The following COL19A1 variants were observed in gnomAD, a reference collection of about 807,000 sequenced individuals.
The protein encoded by COL19A1 is collagen type XIX alpha 1 chain.
COL19A1 carries 159 observed loss-of-function variants against 190.2 expected under a neutral mutation model. The ratio of observed to expected loss-of-function variants is 0.84; its 90% CI spans 0.73 to 0.95. The LOEUF (loss-of-function observed/expected upper bound fraction) is 0.95, where lower values mean the gene tolerates loss of function less well. COL19A1 is among the 40% of genes least tolerant of loss of function. The probability of loss-of-function intolerance (pLI) is 0.00; values close to 1 mark genes in which losing one functional copy is unlikely to be tolerated. For synonymous variants in COL19A1, 509 were observed against 458.9 expected, an observed-to-expected ratio of 1.11 and a Z score of -1.39; for missense variants, 1,418 against 1,431.9, an observed-to-expected ratio of 0.99 and a Z score of 0.16.
chr6:70,168,019 C>T lies in COL19A1; in HGVS notation c.2446-6C>T, dbSNP rs1358851603. 21 of 1,584,562 alleles carry T rather than the reference C, an allele frequency of 1.3e-5. No homozygotes were observed. The highest frequency in any genetic ancestry group is 1.8e-5 in the Non-Finnish European group (21 of 1,160,578). Reference sequence around the variant, plus strand: ...GAATAATTCTGTATCTCACCTCTTTCCTAAGGGTATTCCATTTAATGAACG... The same window carrying T: ...GAATAATTCTGTATCTCACCTCTTTTCTAAGGGTATTCCATTTAATGAACG... On this transcript the variant is annotated splice_polypyrimidine_tract_variant and splice_region_variant and intron_variant, in intron 37 of 50. Transcript: ENST00000620364.
intron 15 of COL19A1, 61 bp downstream of exon 15, chr6:70,068,537 A>T (rs377118418): frequency 9.1e-7 from 1 of 1,102,204 alleles, no homozygotes; most frequent in Non-Finnish European, 1.4e-6. Flanking sequence ...ATTTGGGAAC[A>T]CTAATGAAAA....
chr6:70,064,010 A>G (rs1195048696), intron 14 of COL19A1, among the ~76,000 whole-genome samples: 1 of 152,208 alleles, frequency 6.6e-6, no homozygotes, highest in Non-Finnish European at 1.5e-5. Context: ...AAAAGAGTCC[A>G]GGACCAGATG....
chr6:70,212,042 A>G lies in COL19A1; in HGVS notation c.*4768A>G, dbSNP rs1008255945. Among the ~76,000 whole-genome samples the G allele has an allele frequency of 1.3e-5, 2 of 152,166 alleles. No individual in the cohort carries two copies. The highest frequency in any genetic ancestry group is 4.8e-5 in the African/African-American group (2 of 41,448). ...GAGGCTTCACTAAATGAGGGGGTAA[A>G]TAAGATTTAAGTTTATCAGAAGTGT... On this transcript the variant is annotated 3_prime_UTR_variant, in exon 51 of 51. Transcript: ENST00000620364.
chr6:70,061,953 G>A (rs887865707), intron 14 of COL19A1, among the ~76,000 whole-genome samples: 1 of 151,720 alleles, frequency 6.6e-6, no homozygotes, highest in South Asian at 2.1e-4. Context: ...TTTTAAAGTT[G>A]GCCTAATTAT....
At chr6:70,184,782 C>T (rs777621092) in intron 45 of COL19A1, 44 bp downstream of exon 45, 51 of 1,600,246 alleles carry the variant, frequency 3.2e-5, no homozygotes, top group Non-Finnish European at 4.3e-5. Flanking sequence ...ATGCATACTG[C>T]ATCCAGAATA....
chr6:69,936,711 G>T, intron 7 of COL19A1, 74 bp from the exon 8 acceptor site: 1 of 1,567,470 alleles, frequency 6.4e-7, no homozygotes, highest in Non-Finnish European at 8.7e-7. Flanking sequence ...CCCTAGTTTA[G>T]TGGGAGCCAG....
intron 17 of COL19A1, among the ~76,000 whole-genome samples, chr6:70,126,654 TTA>T (rs1219655106): frequency 6.6e-6 from 1 of 152,198 alleles, no homozygotes; most frequent in Non-Finnish European, 1.5e-5. Context: ...AGCCCACATA[TTA>T]TGTTTTAACT....
intron 16 of COL19A1, among the ~76,000 whole-genome samples, chr6:70,106,329 C>CGT (rs55854953): frequency 0.014 from 2,088 of 149,414 alleles, 14 homozygotes; most frequent in Non-Finnish European, 0.021. Flanking sequence ...TAAGTGTGTG[C>CGT]GTGTGTGTGT....
intron 11 of COL19A1, among the ~76,000 whole-genome samples, chr6:69,965,452 C>T (rs1225576081): frequency 1.3e-5 from 2 of 152,188 alleles, no homozygotes; most frequent in African/African-American, 2.4e-5. Flanking sequence ...GCTTTCAGGC[C>T]AACCGAACTC....
rs148712713 is a variant in COL19A1 at position 69,920,665 on chromosome 6, A to AT, written c.267-7244_267-7243insT. 5.4e-3 allele frequency among the ~76,000 whole-genome samples: 829 copies of AT among 152,114 alleles called. 19 individuals carry two copies. The East Asian group carries it at 0.068, about 13-fold the overall frequency. On this transcript the variant is annotated intron_variant, in intron 4 of 50. Transcript: ENST00000620364. ...ATTGAACATTTTGTTAATCTGATAT[A>AT]CTTGTGCCCTCATAGGCCCATGAAT...
chr6:69,951,751 C>G (rs1274534406), intron 9 of COL19A1, among the ~76,000 whole-genome samples: 4 of 151,812 alleles, frequency 2.6e-5, no homozygotes, highest in African/African-American at 9.7e-5. Flanking sequence ...CTTACAACAC[C>G]CCTGTGAGGT....
At chr6:69,915,400 A>G (rs542895845) in intron 4 of COL19A1, among the ~76,000 whole-genome samples, 10 of 152,316 alleles carry the variant, frequency 6.6e-5, no homozygotes, top group Admixed American at 2.6e-4. Flanking sequence ...CATACTTACA[A>G]TGCTAACCAT....
chr6:69,866,862 C>T (rs940505815), intron 1 of COL19A1, among the ~76,000 whole-genome samples: 3 of 152,154 alleles, frequency 2.0e-5, no homozygotes, highest in Non-Finnish European at 4.4e-5. Context: ...TGGCAGGAGA[C>T]GGCCACTCTC....
intron 49 of COL19A1, among the ~76,000 whole-genome samples, chr6:70,204,611 T>G (rs750820137): frequency 8.5e-5 from 13 of 152,212 alleles, no homozygotes; most frequent in Admixed American, 1.3e-4. Context: ...GAATAATATA[T>G]TTCTGCATTA....
chr6:69,896,219 T>C (rs1769729312), intron 2 of COL19A1, among the ~76,000 whole-genome samples: 1 of 152,148 alleles, frequency 6.6e-6, no homozygotes, highest in South Asian at 2.1e-4. Context: ...AGTCATACAG[T>C]TCATATATAT....
chr6:70,118,098 A>G (rs1784682779), intron 16 of COL19A1, among the ~76,000 whole-genome samples: 1 of 152,184 alleles, frequency 6.6e-6, no homozygotes, highest in Non-Finnish European at 1.5e-5. Flanking sequence ...ACTTACCACA[A>G]GTCTTTAACT....
intron 1 of COL19A1, among the ~76,000 whole-genome samples, chr6:69,875,024 G>A (rs1214883658): frequency 6.6e-6 from 1 of 152,200 alleles, no homozygotes; most frequent in African/African-American, 2.4e-5. Context: ...GACAGATATA[G>A]TCCCTGCTCT....
At chr6:70,195,407 A>T (rs1419926896) in intron 48 of COL19A1, among the ~76,000 whole-genome samples, 1 of 151,862 alleles carries the variant, frequency 6.6e-6, no homozygotes, top group Non-Finnish European at 1.5e-5. Context: ...TAAGTGAGGG[A>T]CCCTTAATTT....
At chr6:70,035,706 C>T (rs963013163) in intron 13 of COL19A1, among the ~76,000 whole-genome samples, 198 bp from the exon 14 acceptor site, 3 of 152,044 alleles carry the variant, frequency 2.0e-5, no homozygotes, top group African/African-American at 4.8e-5. Flanking sequence ...ATAGAGTATA[C>T]AAGGTGATTT....
Sources: allele counts gnomAD v4.1 joint callset (sites outside exome capture counted in the v4.1 genomes callset), GRCh38; gene constraint gnomAD v4.1.1; transcripts MANE v1.5; gene names NCBI Gene and HGNC (gene_info 2026-07-23, HGNC 2026-07-21).